The following ANO10 variants were observed in gnomAD, a reference collection of about 807,000 sequenced individuals.
ANO10 encodes the protein anoctamin-10.
ANO10 carries 77 observed loss-of-function variants against 74.7 expected under a neutral mutation model. That is an observed-to-expected ratio of 1.03 (90% CI 0.86 to 1.25). The LOEUF is 1.25. ANO10 is among the 50% of genes most tolerant of loss of function. ANO10 has a pLI of 0.00. For missense variants in ANO10, 721 were observed against 778.1 expected (o/e 0.93, Z 0.87); for synonymous variants, 279 against 284.9 (o/e 0.98, Z 0.21).
chr3:43,510,431 C>CA (rs58246025), intron 11 of ANO10, among the ~76,000 whole-genome samples: 112,413 of 131,132 alleles, frequency 0.86, 48,598 homozygotes, highest in East Asian at 0.93. Flanking sequence ...AACTCTGTCT[C>CA]AAAAAAAAAA....
At chr3:43,521,753 A>G (rs2077967750) in intron 11 of ANO10, among the ~76,000 whole-genome samples, 1 of 152,212 alleles carries the variant, frequency 6.6e-6, no homozygotes, top group African/African-American at 2.4e-5. Context: ...AAAAAATTAA[A>G]CACAGAATTA....
intron 12 of ANO10, among the ~76,000 whole-genome samples, chr3:43,374,929 T>C (rs1286065037): frequency 1.3e-5 from 2 of 152,042 alleles, no homozygotes; most frequent in African/African-American, 4.8e-5. Context: ...AAGACCAGCC[T>C]AGCCAACATA....
At chr3:43,536,895 A>C (rs1040161510) in intron 11 of ANO10, among the ~76,000 whole-genome samples, 10 of 151,744 alleles carry the variant, frequency 6.6e-5, no homozygotes, top group African/African-American at 2.4e-4. Flanking sequence ...TAACTTAAAT[A>C]GAAAATCACT....
At chr3:43,394,569 T>C (rs1278083860) in intron 12 of ANO10, among the ~76,000 whole-genome samples, 1 of 152,172 alleles carries the variant, frequency 6.6e-6, no homozygotes, top group Admixed American at 6.5e-5. Flanking sequence ...GTAGAATTTA[T>C]AGGAAACAGT....
intron 12 of ANO10, among the ~76,000 whole-genome samples, chr3:43,425,115 T>C (rs188394461): frequency 6.6e-6 from 1 of 152,264 alleles, no homozygotes; most frequent in Non-Finnish European, 1.5e-5. Context: ...TGATTACCTA[T>C]TCAATAGTCA....
chr3:43,681,122 A>C (rs2084191589), intron 1 of ANO10, among the ~76,000 whole-genome samples: 1 of 152,184 alleles, frequency 6.6e-6, no homozygotes, highest in African/African-American at 2.4e-5. Flanking sequence ...CAATTAAAAG[A>C]CACAGACTGG....
chr3:43,686,991 T>A (rs1329917821), intron 1 of ANO10, among the ~76,000 whole-genome samples: 2 of 151,102 alleles, frequency 1.3e-5, no homozygotes, highest in Non-Finnish European at 2.9e-5. Context: ...CAAGAAGCCC[T>A]AAAGTCATGT....
At chr3:43,642,917 TC>T in intron 1 of ANO10, among the ~76,000 whole-genome samples, 1 of 152,172 alleles carries the variant, frequency 6.6e-6, no homozygotes, top group East Asian at 1.9e-4. Context: ...TTACAGCCTC[TC>T]TTGTTGGTGG....
intron 11 of ANO10, among the ~76,000 whole-genome samples, chr3:43,496,127 T>C (rs1007520776): frequency 6.6e-6 from 1 of 152,186 alleles, no homozygotes; most frequent in Non-Finnish European, 1.5e-5. Context: ...GCCTACTCTT[T>C]GATCCAGCAA....
intron 4 of ANO10, among the ~76,000 whole-genome samples, chr3:43,584,708 G>A (rs1171620184): frequency 2.6e-5 from 4 of 152,158 alleles, no homozygotes; most frequent in African/African-American, 9.7e-5. Context: ...ACATCTCACA[G>A]CGCCATCTAA....
At chr3:43,642,626 A>G (rs1348644835) in intron 1 of ANO10, among the ~76,000 whole-genome samples, 2 of 152,188 alleles carry the variant, frequency 1.3e-5, no homozygotes, top group Non-Finnish European at 1.5e-5. Flanking sequence ...ACGAAAAGGT[A>G]ACCAAACCCA....
intron 11 of ANO10, among the ~76,000 whole-genome samples, chr3:43,548,089 C>T (rs2079282059): frequency 6.6e-6 from 1 of 152,334 alleles, no homozygotes; most frequent in South Asian, 2.1e-4. Context: ...TTCACTTTAA[C>T]ATCCACTGTT....
chr3:43,494,251 C>G (rs544550165), intron 11 of ANO10, among the ~76,000 whole-genome samples: 1 of 152,058 alleles, frequency 6.6e-6, no homozygotes, highest in Non-Finnish European at 1.5e-5. Flanking sequence ...GTCAGGGGTT[C>G]GGGACCAGCC....
intron 1 of ANO10, chr3:43,691,044 G>A (rs372841031): frequency 2.0e-5 from 31 of 1,553,398 alleles, no homozygotes; most frequent in South Asian, 1.4e-4. Flanking sequence ...AGAGAGGTAA[G>A]CGCAGCCGGC....
chr3:43,399,226 A>G (rs1458583230), intron 12 of ANO10, among the ~76,000 whole-genome samples: 1 of 152,244 alleles, frequency 6.6e-6, no homozygotes, highest in African/African-American at 2.4e-5. Context: ...TGTTACTATT[A>G]TTATACAGCC....
At chr3:43,673,633 T>G (rs1002539952) in intron 1 of ANO10, among the ~76,000 whole-genome samples, 2 of 152,044 alleles carry the variant, frequency 1.3e-5, no homozygotes, top group Admixed American at 6.6e-5. Flanking sequence ...AGAAGAAAAA[T>G]AAAAGTTTGA....
At chr3:43,470,876 C>T (rs1182846790) in intron 11 of ANO10, among the ~76,000 whole-genome samples, 1 of 152,108 alleles carries the variant, frequency 6.6e-6, no homozygotes, top group Non-Finnish European at 1.5e-5. Flanking sequence ...ATCCACCTGC[C>T]TCTGATTCCC....
chr3:43,579,220 T>C (rs2081154926), intron 5 of ANO10, among the ~76,000 whole-genome samples: 1 of 152,290 alleles, frequency 6.6e-6, no homozygotes, highest in African/African-American at 2.4e-5. Context: ...AATAAATTAA[T>C]AATTATTCTT....
chr3:43,551,821 A>G (rs2079476724), intron 10 of ANO10, among the ~76,000 whole-genome samples: 1 of 152,092 alleles, frequency 6.6e-6, no homozygotes, highest in Non-Finnish European at 1.5e-5. Flanking sequence ...TACCTAAATC[A>G]TATTTGACTT....
Sources: allele counts gnomAD v4.1 joint callset (sites outside exome capture counted in the v4.1 genomes callset), GRCh38; gene constraint gnomAD v4.1.1; transcripts MANE v1.5; gene names NCBI Gene and HGNC (gene_info 2026-07-23, HGNC 2026-07-21).